Variants in ERGIC1 observed in about 807,000 individuals in gnomAD.
ERGIC1 encodes endoplasmic reticulum-Golgi intermediate compartment protein 1.
ERGIC1 carries 19 observed loss-of-function variants against 38.3 expected under a neutral mutation model. The ratio of observed to expected loss-of-function variants is 0.50; its 90% CI spans 0.35 to 0.73. ERGIC1 has a LOEUF of 0.73. Among genes scored for constraint, ERGIC1 ranks in the 30% least tolerant of loss-of-function variants. The pLI is 0.01. For missense variants in ERGIC1, 294 were observed against 389.2 expected, an observed-to-expected ratio of 0.76 and a Z score of 2.06; for synonymous variants, 124 against 157.6, an observed-to-expected ratio of 0.79 and a Z score of 1.60.
At chr5:172,880,193 T>C (rs948604204) in intron 1 of ERGIC1, among the ~76,000 whole-genome samples, 2 of 151,494 alleles carry the variant, frequency 1.3e-5, no homozygotes, top group African/African-American at 4.9e-5. Context: ...CCTGCCACCA[T>C]GCTTGGCTAA....
intron 1 of ERGIC1, among the ~76,000 whole-genome samples, chr5:172,847,122 C>T (rs965401761): frequency 3.3e-5 from 5 of 152,162 alleles, no homozygotes; most frequent in Non-Finnish European, 7.4e-5. Context: ...CTCCGCTCCC[C>T]CTGGGTACTC....
At chr5:172,885,559 A>G (rs2113245127) in intron 1 of ERGIC1, among the ~76,000 whole-genome samples, 1 of 152,196 alleles carries the variant, frequency 6.6e-6, no homozygotes. Flanking sequence ...GTCATGCTTT[A>G]ATCTGCATGG....
At chr5:172,907,441 C>T (rs928183190) in intron 3 of ERGIC1, among the ~76,000 whole-genome samples, 1 of 152,276 alleles carries the variant, frequency 6.6e-6, no homozygotes, top group Admixed American at 6.5e-5. Context: ...GCCAGTAGTC[C>T]CAGCTACTTG....
At chr5:172,887,009 C>T (rs888277657) in intron 1 of ERGIC1, among the ~76,000 whole-genome samples, 10 of 152,224 alleles carry the variant, frequency 6.6e-5, no homozygotes, top group African/African-American at 2.4e-4. Flanking sequence ...GGGAGCTAAG[C>T]AGGCGGCAGA....
chr5:172,859,754 C>T (rs1761650455), intron 1 of ERGIC1, among the ~76,000 whole-genome samples: 2 of 152,246 alleles, frequency 1.3e-5, no homozygotes, highest in Admixed American at 6.5e-5. Flanking sequence ...GGACAGGGGA[C>T]AGCCTGCCCA....
chr5:172,855,635 G>A (rs1251001621), intron 1 of ERGIC1, among the ~76,000 whole-genome samples: 2 of 152,232 alleles, frequency 1.3e-5, no homozygotes, highest in Non-Finnish European at 2.9e-5. Context: ...TCCTCCCCAC[G>A]ATGTTCAACT....
At chr5:172,850,073 G>A (rs1021290198) in intron 1 of ERGIC1, among the ~76,000 whole-genome samples, 1 of 152,228 alleles carries the variant, frequency 6.6e-6, no homozygotes, top group East Asian at 1.9e-4. Flanking sequence ...TAGTAAACAC[G>A]GAAGCTGGAA....
intron 9 of ERGIC1, among the ~76,000 whole-genome samples, chr5:172,947,876 T>TTGTGTGTGTG (rs10566172): frequency 0.02 from 2,897 of 145,776 alleles, 76 homozygotes; most frequent in African/African-American, 0.064. Flanking sequence ...CAGATGTGTT[T>TTGTGTGTGTG]TGTGTGTGTG....
intron 1 of ERGIC1, among the ~76,000 whole-genome samples, chr5:172,861,657 G>A (rs1032564055): frequency 1.3e-5 from 2 of 152,244 alleles, no homozygotes; most frequent in Non-Finnish European, 2.9e-5. Flanking sequence ...ACACATAGTA[G>A]GTACTTAGGA....
At chr5:172,864,763 G>C (rs950674916) in intron 1 of ERGIC1, among the ~76,000 whole-genome samples, 1 of 149,358 alleles carries the variant, frequency 6.7e-6, no homozygotes, top group African/African-American at 2.5e-5. Flanking sequence ...TTTTTTTTGA[G>C]CACCTATTAT....
At chr5:172,942,772 C>T (rs1764039608) in intron 9 of ERGIC1, among the ~76,000 whole-genome samples, 1 of 152,144 alleles carries the variant, frequency 6.6e-6, no homozygotes, top group Non-Finnish European at 1.5e-5. Flanking sequence ...GGTTCGGAGG[C>T]GGAAGAGGAA....
At chr5:172,947,750 A>G (rs1014725369) in intron 9 of ERGIC1, among the ~76,000 whole-genome samples, 4 of 152,236 alleles carry the variant, frequency 2.6e-5, no homozygotes, top group African/African-American at 4.8e-5. Flanking sequence ...GTGTACCTCA[A>G]TACACACATT....
intron 6 of ERGIC1, among the ~76,000 whole-genome samples, chr5:172,925,419 C>G (rs1350397163): frequency 6.6e-6 from 1 of 152,102 alleles, no homozygotes; most frequent in East Asian, 1.9e-4. Context: ...CTTCCTTTTC[C>G]TTGTTGAGAA....
At chr5:172,862,676 C>T (rs929824786) in intron 1 of ERGIC1, among the ~76,000 whole-genome samples, 6 of 152,202 alleles carry the variant, frequency 3.9e-5, no homozygotes, top group Admixed American at 6.5e-5. Flanking sequence ...AAATTTGGGA[C>T]GTCCTTACCA....
intron 1 of ERGIC1, among the ~76,000 whole-genome samples, chr5:172,841,240 A>G (rs554308049): frequency 6.6e-6 from 1 of 152,380 alleles, no homozygotes; most frequent in South Asian, 2.1e-4. Flanking sequence ...TGTTTAAAAA[A>G]AATCTTGACC....
intron 3 of ERGIC1, among the ~76,000 whole-genome samples, chr5:172,900,081 C>T (rs1443673048): frequency 6.6e-6 from 1 of 152,198 alleles, no homozygotes; most frequent in Non-Finnish European, 1.5e-5. Flanking sequence ...CTGCTGACAG[C>T]GTGTGGGGTG....
chr5:172,870,751 C>A (rs978023879), intron 1 of ERGIC1, among the ~76,000 whole-genome samples: 1 of 152,212 alleles, frequency 6.6e-6, no homozygotes, highest in Non-Finnish European at 1.5e-5. Context: ...CCTCTCGCAG[C>A]CACTCCCTTC....
intron 1 of ERGIC1, among the ~76,000 whole-genome samples, chr5:172,871,291 C>T (rs954579638): frequency 2.0e-5 from 3 of 152,198 alleles, no homozygotes; most frequent in African/African-American, 7.2e-5. Flanking sequence ...AGCCTCGCTG[C>T]TGTTCCAGGA....
chr5:172,898,438 A>G (rs548937424), intron 3 of ERGIC1: 1 of 152,356 alleles, frequency 6.6e-6, no homozygotes, highest in South Asian at 2.1e-4. Flanking sequence ...TGAAAGGCCT[A>G]TGAGACAGGA....
Sources: gnomAD v4.1 joint callset for allele counts (sites outside exome capture counted in the v4.1 genomes callset) on GRCh38, gnomAD v4.1.1 for gene constraint, MANE v1.5 for transcripts, NCBI Gene and HGNC (gene_info 2026-07-23, HGNC 2026-07-21) for gene names.